CTDSPL: variants seen among roughly 807,000 people sequenced by gnomAD.
The protein encoded by CTDSPL is CTD small phosphatase like.
In CTDSPL, 8 loss-of-function variants were observed where a neutral mutation model predicts 30.5. That is an observed-to-expected ratio of 0.26 (90% CI 0.15 to 0.47). The LOEUF (loss-of-function observed/expected upper bound fraction) is 0.47, where lower values mean the gene tolerates loss of function less well. Ranked by LOEUF, CTDSPL falls within the 20% of genes least tolerant of loss-of-function variation. The pLI is 0.99. For synonymous variants in CTDSPL, 110 were observed against 137.9 expected (o/e 0.80, Z 1.42); for missense variants, 248 against 366.1 (o/e 0.68, Z 2.63).
At chr3:37,968,083 C>A in intron 5 of CTDSPL, 3 of 537,336 alleles carry the variant, frequency 5.6e-6, no homozygotes, top group Non-Finnish European at 9.8e-6. Context: ...AAACTATAGT[C>A]GTAAATATTA....
At chr3:37,889,949 G>T (rs763789679) in intron 1 of CTDSPL, among the ~76,000 whole-genome samples, 41 of 152,128 alleles carry the variant, frequency 2.7e-4, no homozygotes, top group Non-Finnish European at 5.4e-4. Context: ...AATCTGCAAG[G>T]ACTGAAAATT....
intron 1 of CTDSPL, among the ~76,000 whole-genome samples, chr3:37,871,014 A>G (rs917117737): frequency 5.9e-5 from 9 of 152,134 alleles, no homozygotes; most frequent in Non-Finnish European, 1.2e-4. Flanking sequence ...TTTATATTCT[A>G]TGAGTTTGTA....
chr3:37,969,280 C>T, intron 5 of CTDSPL: 1 of 451,562 alleles, frequency 2.2e-6, no homozygotes, highest in South Asian at 1.6e-5. Flanking sequence ...CAGGAGCTCC[C>T]CCACCCTCCA....
At chr3:37,900,889 C>T (rs112119621) in intron 1 of CTDSPL, among the ~76,000 whole-genome samples, 1 of 152,208 alleles carries the variant, frequency 6.6e-6, no homozygotes, top group African/African-American at 2.4e-5. Flanking sequence ...ACCTCCGTCT[C>T]CCAATTCAAG....
chr3:37,931,087 T>G (rs1337739251), intron 1 of CTDSPL, among the ~76,000 whole-genome samples: 1 of 152,158 alleles, frequency 6.6e-6, no homozygotes, highest in Non-Finnish European at 1.5e-5. Flanking sequence ...GTGAGTCTCT[T>G]TTAGTCAGTG....
intron 2 of CTDSPL, among the ~76,000 whole-genome samples, chr3:37,950,545 A>G (rs74878094): frequency 0.039 from 5,999 of 152,342 alleles, 187 homozygotes; most frequent in Middle Eastern, 0.078. Context: ...AGCAAGTGGA[A>G]GAAGAAATAT....
intron 2 of CTDSPL, among the ~76,000 whole-genome samples, 154 bp downstream of exon 2, chr3:37,947,365 C>T (rs906648309): frequency 6.6e-6 from 1 of 152,084 alleles, no homozygotes; most frequent in Admixed American, 6.5e-5. Flanking sequence ...TTGAGACCAG[C>T]CTGGCCAATA....
At chr3:37,958,942 C>T (rs949705891) in intron 3 of CTDSPL, among the ~76,000 whole-genome samples, 27 of 152,188 alleles carry the variant, frequency 1.8e-4, no homozygotes, top group African/African-American at 6.5e-4. Context: ...TCTTGGGAGC[C>T]CCTGCAAAAT....
At chr3:37,905,484 C>T (rs1367882022) in intron 1 of CTDSPL, among the ~76,000 whole-genome samples, 1 of 152,178 alleles carries the variant, frequency 6.6e-6, no homozygotes, top group Non-Finnish European at 1.5e-5. Flanking sequence ...CAGGCCTGGG[C>T]AACTCGTGGG....
chr3:37,974,391 C>A (rs1347984663), intron 6 of CTDSPL, among the ~76,000 whole-genome samples: 3 of 152,250 alleles, frequency 2.0e-5, no homozygotes, highest in East Asian at 3.8e-4. Flanking sequence ...TTGCTCTGCA[C>A]TCCACTACTG....
chr3:37,949,205 G>A (rs1463301066), intron 2 of CTDSPL, among the ~76,000 whole-genome samples: 1 of 152,186 alleles, frequency 6.6e-6, no homozygotes, highest in Non-Finnish European at 1.5e-5. Context: ...GATAGAGAAT[G>A]TAAATAAGTT....
At chr3:37,873,403 A>T (rs1394881147) in intron 1 of CTDSPL, among the ~76,000 whole-genome samples, 1 of 152,182 alleles carries the variant, frequency 6.6e-6, no homozygotes, top group Non-Finnish European at 1.5e-5. Context: ...TTTCTCCCAT[A>T]GCCAGCTTCT....
chr3:37,968,364 A>T (rs1223992308), intron 5 of CTDSPL: 1 of 376,964 alleles, frequency 2.7e-6, no homozygotes, highest in African/African-American at 2.1e-5. Flanking sequence ...ACCCCAAAAG[A>T]AAAAGGGGGA....
At chr3:37,927,672 G>A (rs76645969) in intron 1 of CTDSPL, among the ~76,000 whole-genome samples, 18,628 of 132,328 alleles carry the variant, frequency 0.14, 1,549 homozygotes, top group African/African-American at 0.23. Flanking sequence ...GTGTGTGTGT[G>A]TGTGTGTATG....
intron 5 of CTDSPL, chr3:37,969,383 A>G: frequency 1.9e-6 from 1 of 522,974 alleles, no homozygotes; most frequent in Non-Finnish European, 3.9e-6. Context: ...GAGCAGGAGG[A>G]CCAAGGCCCT....
chr3:37,882,492 C>T (rs1698217960), intron 1 of CTDSPL, among the ~76,000 whole-genome samples: 1 of 151,320 alleles, frequency 6.6e-6, no homozygotes, highest in Non-Finnish European at 1.5e-5. Flanking sequence ...TGGTGCACAC[C>T]TGTAAACCCA....
At chr3:37,866,759 TACTC>T (rs1698015258) in intron 1 of CTDSPL, among the ~76,000 whole-genome samples, 1 of 152,228 alleles carries the variant, frequency 6.6e-6, no homozygotes, top group Admixed American at 6.5e-5. Context: ...ATGTTTGTAA[TACTC>T]AGTGTTAATT....
At chr3:37,968,290 G>A (rs1194747294) in intron 5 of CTDSPL, 7 of 456,294 alleles carry the variant, frequency 1.5e-5, no homozygotes. Context: ...TTCAATGCCA[G>A]CTGCTCCAGA....
At chr3:37,936,222 C>G (rs928305252) in intron 1 of CTDSPL, among the ~76,000 whole-genome samples, 1 of 152,090 alleles carries the variant, frequency 6.6e-6, no homozygotes, top group Non-Finnish European at 1.5e-5. Flanking sequence ...TTCAAAGGTA[C>G]GTTTCTTTTA....
Sources: allele counts gnomAD v4.1 joint callset (sites outside exome capture counted in the v4.1 genomes callset), GRCh38; gene constraint gnomAD v4.1.1; transcripts MANE v1.5; gene names NCBI Gene and HGNC (gene_info 2026-07-23, HGNC 2026-07-21).